PLCB4: variants seen among roughly 807,000 people sequenced by gnomAD.
PLCB4 encodes 1-phosphatidylinositol 4,5-bisphosphate phosphodiesterase beta-4.
Under a neutral mutation model 178.8 loss-of-function variants are expected in PLCB4, and 77 were observed. That is an observed-to-expected ratio of 0.43 (90% CI 0.36 to 0.52). The LOEUF (loss-of-function observed/expected upper bound fraction) is 0.52. Among genes scored for constraint, PLCB4 ranks in the 20% least tolerant of loss-of-function variants. PLCB4 has a pLI of 0.00. For missense variants in PLCB4, 1,024 were observed against 1,453.4 expected, an observed-to-expected ratio of 0.70 and a Z score of 4.80; for synonymous variants, 496 against 490.8, an observed-to-expected ratio of 1.01 and a Z score of -0.14.
chr20:9,141,658 A>G lies in PLCB4; in HGVS notation c.-79+45316A>G, dbSNP rs6056422. Among the ~76,000 whole-genome samples the G allele has an allele frequency of 4.6e-3, 697 of 152,244 alleles. 3 individuals carry two copies. Among genetic ancestry groups the G allele is most frequent in the African/African-American group, 0.015 (637 of 41,552 alleles). On this transcript the variant is annotated intron_variant, in intron 2 of 39. Transcript: ENST00000378473. Reference sequence around the variant, plus strand: ...ATCTCCGTGGAGGGTGTAAAGACACATACAAGTTGGTATATAATCTTGAAA... The same window carrying G: ...ATCTCCGTGGAGGGTGTAAAGACACGTACAAGTTGGTATATAATCTTGAAA...
chr20:9,463,650 C>T (rs2043559722), intron 35 of PLCB4, among the ~76,000 whole-genome samples: 1 of 140,110 alleles, frequency 7.1e-6, no homozygotes, highest in African/African-American at 2.7e-5. Flanking sequence ...ATAAAACAGA[C>T]TTTAAACCAA....
chr20:9,103,422 G>A (rs2091252851), intron 2 of PLCB4, among the ~76,000 whole-genome samples: 3 of 152,098 alleles, frequency 2.0e-5, no homozygotes, highest in Admixed American at 6.6e-5. Flanking sequence ...ATATATGTTT[G>A]GTGAGAAGAA....
chr20:9,128,198 C>T (rs2092177413), intron 2 of PLCB4, among the ~76,000 whole-genome samples: 2 of 151,924 alleles, frequency 1.3e-5, no homozygotes, highest in South Asian at 4.2e-4. Flanking sequence ...TGTGGTATGT[C>T]CCCTCTTCTC....
chr20:9,260,282 C>T (rs1384006028), intron 3 of PLCB4, among the ~76,000 whole-genome samples: 2 of 152,022 alleles, frequency 1.3e-5, no homozygotes, highest in Non-Finnish European at 2.9e-5. Context: ...GCATTTCCTC[C>T]TTCTACTTCA....
At chr20:9,148,297 G>A (rs913735449) in intron 2 of PLCB4, among the ~76,000 whole-genome samples, 3 of 151,994 alleles carry the variant, frequency 2.0e-5, no homozygotes, top group African/African-American at 7.2e-5. Flanking sequence ...GGGGTGGAAG[G>A]GACTGAAATG....
At chr20:9,450,079 C>T (rs1276682167) in intron 32 of PLCB4, among the ~76,000 whole-genome samples, 4 of 152,170 alleles carry the variant, frequency 2.6e-5, no homozygotes, top group Admixed American at 6.5e-5. Flanking sequence ...GGATAAGAAA[C>T]GTACACAAAT....
At chr20:9,340,841 A>G (rs999930603) in intron 7 of PLCB4, among the ~76,000 whole-genome samples, 5 of 152,164 alleles carry the variant, frequency 3.3e-5, no homozygotes, top group African/African-American at 1.2e-4. Context: ...TGAGGCTTAC[A>G]TGAGTTATGA....
At chr20:9,255,067 C>A (rs2094219338) in intron 3 of PLCB4, among the ~76,000 whole-genome samples, 1 of 152,038 alleles carries the variant, frequency 6.6e-6, no homozygotes, top group South Asian at 2.1e-4. Context: ...TATATTTATA[C>A]CTGCTCATAT....
At chr20:9,364,779 G>A (rs1206919339) in intron 8 of PLCB4, among the ~76,000 whole-genome samples, 1 of 152,202 alleles carries the variant, frequency 6.6e-6, no homozygotes, top group African/African-American at 2.4e-5. Flanking sequence ...AAGAATGGGA[G>A]TCATTAGCTA....
chr20:9,314,920 G>A (rs570387455), intron 4 of PLCB4, among the ~76,000 whole-genome samples: 1 of 150,404 alleles, frequency 6.6e-6, no homozygotes, highest in Non-Finnish European at 1.5e-5. Context: ...TACCCAAGCT[G>A]GAGTGCAATG....
rs373426676 is a variant in PLCB4 at position 9,384,361 on chromosome 20, C to T, written c.1014C>T (p.Gly338=). 121 of 1,614,042 alleles carry T rather than the reference C, an allele frequency of 7.5e-5. No individual in the cohort carries two copies. Among genetic ancestry groups the T allele is most frequent in the Non-Finnish European group, 9.7e-5 (114 of 1,180,014 alleles). Residue 338 remains glycine (G), a synonymous_variant, in exon 14 of 40, where the codon GGC becomes GGT. Coordinates refer to ENST00000378473, the MANE Select transcript of PLCB4 (RefSeq NM_001377142.1). The part of the protein sequence containing the change: ...HNTYLTGRQF[G]GKSSVEMYRQ... ...CTTATCTCACTGGCAGACAGTTCGG[C>T]GGGAAGTCTTCGGTAGAAATGTACA...
chr20:9,374,708 A>C (rs2036524795), intron 12 of PLCB4, among the ~76,000 whole-genome samples: 1 of 152,170 alleles, frequency 6.6e-6, no homozygotes, highest in Admixed American at 6.5e-5. Flanking sequence ...CTTGAGGATA[A>C]GTGCAGTATT....
intron 18 of PLCB4, 106 bp downstream of exon 18, chr20:9,393,784 G>A (rs910657243): frequency 1.0e-5 from 7 of 670,072 alleles, no homozygotes; most frequent in African/African-American, 9.0e-5. Flanking sequence ...TTGGGGGAAG[G>A]GTGTAGGGGT....
At chr20:9,359,240 G>A (rs1319540603) in intron 7 of PLCB4, among the ~76,000 whole-genome samples, 3 of 152,134 alleles carry the variant, frequency 2.0e-5, no homozygotes, top group African/African-American at 7.2e-5. Flanking sequence ...GTGATAGATG[G>A]GTAAGAGCAA....
chr20:9,358,667 G>A (rs149972373), intron 7 of PLCB4, among the ~76,000 whole-genome samples: 50 of 152,194 alleles, frequency 3.3e-4, no homozygotes, highest in African/African-American at 1.2e-3. Flanking sequence ...GGCCAAGGCG[G>A]ACAGATCATC....
rs1352971138 is a variant in PLCB4 at position 9,408,654 on chromosome 20, T to C, written c.1811T>C (p.Met604Thr). The C allele has an allele frequency of 6.3e-7, 1 of 1,575,218 alleles. No homozygotes were observed. Among genetic ancestry groups the C allele is most frequent in the East Asian group, 2.2e-5 (1 of 44,664 alleles). ...ACAGAACGCAATATTCATTATAACA[T>C]GTCTTCTTTTAATGAATCAGTCGGT... ...VAEERNIHYN[M>T]SSFNESVGLG... is the part of the protein sequence containing the mutation. The change falls in exon 23 of 40, where the codon ATG (methionine) becomes ACG (threonine). Residue 604 changes from methionine (M) to threonine (T), a missense_variant. Transcript: ENST00000378473.
rs191045158 is a variant in PLCB4, at chr20:9,240,192, G to C, written c.-16+22740G>C. ...GGGGTGAACTCAGCAAGGCCTATTT[G>C]TTCAGATTCTTCTTGGTGTCTGTAC... On this transcript the variant is annotated intron_variant, in intron 3 of 39. Coordinates refer to ENST00000378473, the MANE Select transcript of PLCB4 (RefSeq NM_001377142.1). Among the ~76,000 whole-genome samples, 33 of 152,270 alleles carry C rather than the reference G, an allele frequency of 2.2e-4. No homozygotes were observed. The East Asian group carries it at 5.0e-3, about 23-fold the overall frequency.
At chr20:9,477,183 G>C (rs2122733043) in intron 39 of PLCB4, among the ~76,000 whole-genome samples, 1 of 152,244 alleles carries the variant, frequency 6.6e-6, no homozygotes, top group East Asian at 1.9e-4. Context: ...TGTGCATGTA[G>C]AAACCTTACA....
At chr20:9,074,905 G>A (rs938964449) in intron 1 of PLCB4, among the ~76,000 whole-genome samples, 20 of 150,478 alleles carry the variant, frequency 1.3e-4, no homozygotes, top group Admixed American at 1.1e-3. Context: ...AAGAATTAGG[G>A]GTCTCTGGTG....
Sources: allele counts gnomAD v4.1 joint callset (sites outside exome capture counted in the v4.1 genomes callset), GRCh38; gene constraint gnomAD v4.1.1; transcripts MANE v1.5; gene names NCBI Gene and HGNC (gene_info 2026-07-23, HGNC 2026-07-21).